Variants in ATL1 observed in about 807,000 individuals in gnomAD.
The protein encoded by ATL1 is atlastin-1.
ATL1 carries 31 observed loss-of-function variants against 75.5 expected under a neutral mutation model. The observed-to-expected ratio is 0.41, with a 90% CI of 0.31 to 0.55. The LOEUF is 0.55. ATL1 is among the 20% of genes least tolerant of loss of function. ATL1 has a pLI of 0.27. For synonymous variants in ATL1, 226 were observed against 233.3 expected, an observed-to-expected ratio of 0.97 and a Z score of 0.28; for missense variants, 405 against 662.6, an observed-to-expected ratio of 0.61 and a Z score of 4.27.
At chr14:50,559,356 C>T (rs1240311946), upstream of ATL1, 1 of 152,136 alleles carries the variant, frequency 6.6e-6, no homozygotes, top group Non-Finnish European at 1.5e-5. Flanking sequence ...GACAGTGTTT[C>T]CAGGTTACTG....
rs757957593 is a variant in ATL1, at chr14:50,623,214, C to T, written c.1085C>T (p.Thr362Ile). The T allele has an allele frequency of 6.2e-7, 1 of 1,613,932 alleles. No individual in the cohort carries two copies. Among genetic ancestry groups the T allele is most frequent in the Non-Finnish European group, 8.5e-7 (1 of 1,179,914 alleles). Residue 362 changes from threonine (T) to isoleucine (I), a missense_variant, in exon 11 of 14, where the codon ACT becomes ATT. Transcript: ENST00000358385. Reference sequence around the variant, plus strand: ...GCTAACAATTTAGCAGCCGTGGCAACTGCCAAGGACACATACAACAAAAAA... The same window carrying T: ...GCTAACAATTTAGCAGCCGTGGCAATTGCCAAGGACACATACAACAAAAAA... ...AEANNLAAVA[T>I]AKDTYNKKME...
At chr14:50,587,499 C>A (rs1023526290) in intron 1 of ATL1, among the ~76,000 whole-genome samples, 32 of 152,162 alleles carry the variant, frequency 2.1e-4, no homozygotes, top group Non-Finnish European at 4.0e-4. Flanking sequence ...TAGCCTTGAC[C>A]TCCTGGGCTC....
intron 4 of ATL1, among the ~76,000 whole-genome samples, chr14:50,592,221 T>C (rs2039165383): frequency 6.6e-6 from 1 of 152,062 alleles, no homozygotes; most frequent in Admixed American, 6.6e-5. Context: ...CCTTGTAGAG[T>C]TTTATTAGAA....
At chr14:50,551,662 A>G (rs752921594) in intron 1 of ATL1, among the ~76,000 whole-genome samples, 10 of 152,222 alleles carry the variant, frequency 6.6e-5, no homozygotes, top group Non-Finnish European at 1.5e-4. Flanking sequence ...TAGCATATCA[A>G]AAAGATAATA....
intron 8 of ATL1, among the ~76,000 whole-genome samples, chr14:50,615,899 C>G (rs2039410464): frequency 6.6e-6 from 1 of 152,192 alleles, no homozygotes; most frequent in Non-Finnish European, 1.5e-5. Flanking sequence ...CAGTATACAG[C>G]TACAGCTCTT....
At chr14:50,620,535 A>G in intron 8 of ATL1, 64 bp from the exon 9 acceptor site, 3 of 1,545,406 alleles carry the variant, frequency 1.9e-6, no homozygotes, top group Non-Finnish European at 2.7e-6. Flanking sequence ...AGGATGTTTT[A>G]TTCTGTGGCA....
intron 1 of ATL1, among the ~76,000 whole-genome samples, chr14:50,536,025 C>G (rs1473287621): frequency 6.6e-6 from 1 of 152,230 alleles, no homozygotes; most frequent in Non-Finnish European, 1.5e-5. Context: ...CTTGCTCTTC[C>G]TTGCCCTCTG....
chr14:50,620,007 C>T (rs1354157537), intron 8 of ATL1, among the ~76,000 whole-genome samples: 1 of 152,146 alleles, frequency 6.6e-6, no homozygotes, highest in African/African-American at 2.4e-5. Context: ...TGCCTGTAAT[C>T]CCAGCACCTT....
chr14:50,612,338 T>A (rs144520759), intron 6 of ATL1, among the ~76,000 whole-genome samples: 250 of 152,220 alleles, frequency 1.6e-3, no homozygotes, highest in African/African-American at 5.6e-3. Flanking sequence ...AGTTACACAA[T>A]GTGTTCAGTT....
intron 1 of ATL1, 55 bp from the exon 2 acceptor site, chr14:50,587,776 C>T: frequency 3.7e-6 from 6 of 1,612,182 alleles, no homozygotes; most frequent in Non-Finnish European, 5.1e-6. Flanking sequence ...GGTACATATA[C>T]ATTTCTTGGC....
intron 1 of ATL1, among the ~76,000 whole-genome samples, chr14:50,582,670 C>T (rs146380441): frequency 5.3e-5 from 8 of 151,898 alleles, no homozygotes; most frequent in African/African-American, 1.7e-4. Context: ...AAATGATCCA[C>T]CCGCCTCGGC....
chr14:50,627,612 G>A (rs923778013), intron 11 of ATL1, among the ~76,000 whole-genome samples: 1 of 152,144 alleles, frequency 6.6e-6, no homozygotes, highest in African/African-American at 2.4e-5. Flanking sequence ...TTATAGCATT[G>A]ATCATTGTTT....
upstream of ATL1, among the ~76,000 whole-genome samples, chr14:50,558,486 A>C (rs2038792361): frequency 6.6e-6 from 1 of 152,228 alleles, no homozygotes; most frequent in African/African-American, 2.4e-5. Flanking sequence ...CCAATAGTAC[A>C]AAAAGTCACA....
chr14:50,628,419 T>C lies in ATL1; in HGVS notation c.1508T>C (p.Leu503Pro). Reference protein sequence around the residue: ...YIRYSGEYRELGAVIDQVAAA... With the variant: ...YIRYSGEYREPGAVIDQVAAA... ...CGGTACTCTGGAGAATACCGAGAGC[T>C]GGGAGCTGTAATAGACCAGGTGGCT... is the stretch of plus-strand genomic sequence containing the variant. Residue 503 changes from leucine to proline, a missense_variant, in exon 12 of 14, where the codon CTG (leucine) becomes CCG (proline). This residue lies in a region of ATL1 where 163 missense variants were observed against 244.1 expected (regional missense o/e 0.67). Coordinates refer to ENST00000358385, the MANE Select transcript of ATL1 (RefSeq NM_015915.5). 6.2e-7 allele frequency: 1 copy of C among 1,614,104 alleles called. No homozygotes were observed. Among genetic ancestry groups the C allele is most frequent in the Non-Finnish European group, 8.5e-7 (1 of 1,180,028 alleles).
intron 12 of ATL1, among the ~76,000 whole-genome samples, chr14:50,629,335 A>G (rs1359755980): frequency 1.3e-5 from 2 of 152,102 alleles, no homozygotes; most frequent in African/African-American, 4.8e-5. Flanking sequence ...TAATCTCAGC[A>G]CTTTCCGAGG....
chr14:50,602,855 C>T (rs1464568121), intron 6 of ATL1, among the ~76,000 whole-genome samples: 1 of 152,062 alleles, frequency 6.6e-6, no homozygotes, highest in Non-Finnish European at 1.5e-5. Flanking sequence ...GTGTTTTAGG[C>T]ACCTGGGTTA....
At chr14:50,569,134 C>T (rs2038931731) in intron 1 of ATL1, among the ~76,000 whole-genome samples, 1 of 151,662 alleles carries the variant, frequency 6.6e-6, no homozygotes, top group South Asian at 2.1e-4. Context: ...GAGGACTGCT[C>T]GAGCCCTGGA....
chr14:50,584,366 G>A (rs2039082541), intron 1 of ATL1, among the ~76,000 whole-genome samples: 2 of 151,730 alleles, frequency 1.3e-5, no homozygotes, highest in Non-Finnish European at 2.9e-5. Context: ...AACAGAGTGA[G>A]ACCCTGTCTC....
chr14:50,581,237 T>C lies in ATL1; in HGVS notation c.35-6594T>C, dbSNP rs533613633. 1.7e-3 allele frequency among the ~76,000 whole-genome samples: 259 copies of C among 152,054 alleles called. 2 individuals carry two copies. Among genetic ancestry groups the C allele is most frequent in the African/African-American group, 5.9e-3 (245 of 41,564 alleles). Reference sequence around the variant, plus strand: ...CATAGATATTAGCTTATGATTTTTTTCAAGCATCTTTACTACTTTATGCAT... The same window carrying C: ...CATAGATATTAGCTTATGATTTTTTCCAAGCATCTTTACTACTTTATGCAT... On this transcript the variant is annotated intron_variant, in intron 1 of 13. Transcript: ENST00000358385.
Sources: allele counts gnomAD v4.1 joint callset (sites outside exome capture counted in the v4.1 genomes callset), GRCh38; gene constraint gnomAD v4.1.1; regional missense constraint gnomAD v4.1.1; transcripts MANE v1.5; gene names NCBI Gene and HGNC (gene_info 2026-07-23, HGNC 2026-07-21).